RALYL: variants seen among roughly 807,000 people sequenced by gnomAD.
The protein encoded by RALYL is RNA-binding Raly-like protein.
A neutral mutation model predicts 35.1 loss-of-function variants in RALYL; 29 were observed. The observed-to-expected ratio is 0.83, with a 90% CI of 0.61 to 1.13. The LOEUF (loss-of-function observed/expected upper bound fraction) is 1.13, where lower values mean the gene tolerates loss of function less well. Ranked by LOEUF, RALYL falls within the 50% of genes most tolerant of loss-of-function variation. The pLI is 0.00. For missense variants in RALYL, 359 were observed against 360.4 expected (o/e 1.00, Z 0.03); for synonymous variants, 120 against 127.6 (o/e 0.94, Z 0.40).
At chr8:84,232,597 C>T (rs1420443647) in intron 1 of RALYL, among the ~76,000 whole-genome samples, 2 of 152,052 alleles carry the variant, frequency 1.3e-5, no homozygotes, top group Non-Finnish European at 2.9e-5. Context: ...TAAGTGTTCT[C>T]ACCACAAAAA....
Position 84,887,789 on chromosome 8 carries a change from C to T in RALYL, c.858+13C>T, listed in dbSNP as rs779305735. 1.8e-5 allele frequency: 29 copies of T among 1,606,542 alleles called. No homozygotes were observed. Among genetic ancestry groups the T allele is most frequent in the Non-Finnish European group, 2.3e-5 (27 of 1,176,510 alleles). ...GGGTCATGAGCTGGTAGGAAAGAAA[C>T]ATTTGGTATTCACACCCTTTGGGTA... On this transcript the variant is annotated intron_variant, in intron 8 of 8. Transcript: ENST00000521268.
At chr8:84,507,189 G>C (rs2057240481) in intron 1 of RALYL, among the ~76,000 whole-genome samples, 1 of 151,934 alleles carries the variant, frequency 6.6e-6, no homozygotes, top group Non-Finnish European at 1.5e-5. Context: ...TATCACCAAA[G>C]CCTATTTGTC....
Position 84,898,930 on chromosome 8 carries a change from C to T in RALYL, c.858+11154C>T, listed in dbSNP as rs565020591. Among the ~76,000 whole-genome samples the T allele has an allele frequency of 1.9e-4, 29 of 152,286 alleles. No homozygotes were observed. The South Asian group carries it at 5.4e-3, about 28-fold the overall frequency. ...TGCTACCACTTTTTAAAATGCCTTT[C>T]TCTTCAACTAGATTTAAAACCGTTT... On this transcript the variant is annotated intron_variant, in intron 8 of 8. Transcript: ENST00000521268.
At chr8:84,448,850 T>A (rs946737606) in intron 1 of RALYL, among the ~76,000 whole-genome samples, 6 of 152,034 alleles carry the variant, frequency 3.9e-5, no homozygotes, top group Admixed American at 3.3e-4. Context: ...ATAGAGTAGG[T>A]GTTCTGGTCA....
At chr8:84,335,392 G>C (rs1847584764) in intron 1 of RALYL, among the ~76,000 whole-genome samples, 1 of 152,104 alleles carries the variant, frequency 6.6e-6, no homozygotes, top group African/African-American at 2.4e-5. Context: ...AGCATCTTTT[G>C]CTTTGTTGTC....
chr8:84,342,984 C>A (rs1263963026), intron 1 of RALYL, among the ~76,000 whole-genome samples: 1 of 152,014 alleles, frequency 6.6e-6, no homozygotes, highest in Non-Finnish European at 1.5e-5. Flanking sequence ...TAATATGATA[C>A]TTAGACACTG....
intron 2 of RALYL, among the ~76,000 whole-genome samples, chr8:84,551,889 A>T (rs1353530977): frequency 6.6e-6 from 1 of 152,162 alleles, no homozygotes; most frequent in Non-Finnish European, 1.5e-5. Flanking sequence ...TCTTTCATTT[A>T]TCCTAGACTT....
chr8:84,787,905 A>T (rs1819916548), intron 3 of RALYL, among the ~76,000 whole-genome samples: 1 of 152,070 alleles, frequency 6.6e-6, no homozygotes, highest in East Asian at 1.9e-4. Context: ...TTCTTTGTAG[A>T]TTCTGGATAT....
intron 1 of RALYL, among the ~76,000 whole-genome samples, chr8:84,527,661 T>C (rs1408782935): frequency 1.3e-5 from 2 of 152,166 alleles, no homozygotes; most frequent in African/African-American, 4.8e-5. Context: ...AGCATTTGTC[T>C]TGAGATATAC....
At chr8:84,822,243 G>C (rs967419646) in intron 4 of RALYL, among the ~76,000 whole-genome samples, 6 of 152,180 alleles carry the variant, frequency 3.9e-5, no homozygotes, top group African/African-American at 1.4e-4. Context: ...TTAAAGATGT[G>C]TTCTGTAAAT....
intron 1 of RALYL, among the ~76,000 whole-genome samples, chr8:84,413,797 C>G (rs1299603163): frequency 6.6e-6 from 1 of 151,972 alleles, no homozygotes; most frequent in Non-Finnish European, 1.5e-5. Context: ...ATAGGCAGTT[C>G]TTAGTGAAAT....
At chr8:84,473,831 C>T (rs969346107) in intron 1 of RALYL, among the ~76,000 whole-genome samples, 3 of 151,640 alleles carry the variant, frequency 2.0e-5, no homozygotes, top group African/African-American at 7.3e-5. Flanking sequence ...CATGTGAAAC[C>T]ATATTAGGCC....
At chr8:84,229,175 A>G (rs765046858) in intron 1 of RALYL, among the ~76,000 whole-genome samples, 1 of 152,216 alleles carries the variant, frequency 6.6e-6, no homozygotes, top group Non-Finnish European at 1.5e-5. Flanking sequence ...GCCGAAATTT[A>G]TAAGGCAAGT....
Position 84,915,894 on chromosome 8 carries a change from T to C in RALYL, c.859-5000T>C, listed in dbSNP as rs553237570. Among the ~76,000 whole-genome samples the C allele has an allele frequency of 2.6e-5, 4 of 152,292 alleles. No individual in the cohort carries two copies. In the East Asian group the frequency reaches 7.7e-4, roughly 29 times the overall value. ...ACTCCAGAAACACAAATGATCTGTG[T>C]GTCTAGATGTTAAAACTATTACTGC... On this transcript the variant is annotated intron_variant, in intron 8 of 8. Coordinates refer to ENST00000521268, the MANE Select transcript of RALYL (RefSeq NM_173848.7).
chr8:84,548,587 T>G (rs17787564), intron 2 of RALYL, among the ~76,000 whole-genome samples: 9,538 of 152,234 alleles, frequency 0.063, 407 homozygotes, highest in Non-Finnish European at 0.091. Flanking sequence ...GATCTATTCC[T>G]GTTGTACATC....
At chr8:84,652,062 A>G (rs1564312439) in intron 2 of RALYL, among the ~76,000 whole-genome samples, 1 of 152,076 alleles carries the variant, frequency 6.6e-6, no homozygotes, top group East Asian at 1.9e-4. Context: ...TCTCATAAGG[A>G]TTCCAGTCCC....
intron 1 of RALYL, among the ~76,000 whole-genome samples, chr8:84,491,410 T>A (rs571030997): frequency 6.6e-6 from 1 of 152,190 alleles, no homozygotes; most frequent in East Asian, 1.9e-4. Flanking sequence ...TTAAATTCAA[T>A]GCCTGAGGTG....
intron 3 of RALYL, among the ~76,000 whole-genome samples, chr8:84,802,269 C>A (rs1053628600): frequency 6.6e-6 from 1 of 152,092 alleles, no homozygotes; most frequent in African/African-American, 2.4e-5. Context: ...TGATATTTTC[C>A]AGCTACTTTA....
chr8:84,830,353 G>T (rs1004858574), intron 4 of RALYL, among the ~76,000 whole-genome samples: 1 of 151,796 alleles, frequency 6.6e-6, no homozygotes, highest in Non-Finnish European at 1.5e-5. Flanking sequence ...GAAATCTAAA[G>T]GTTGTTTCAC....
Sources: gnomAD v4.1 joint callset for allele counts (sites outside exome capture counted in the v4.1 genomes callset) on GRCh38, gnomAD v4.1.1 for gene constraint, MANE v1.5 for transcripts, NCBI Gene and HGNC (gene_info 2026-07-23, HGNC 2026-07-21) for gene names.